The following OR4K2 variants were observed in gnomAD, a reference collection of about 807,000 sequenced individuals.
OR4K2 encodes olfactory receptor family 4 subfamily K member 2.
Under a neutral mutation model 10.5 loss-of-function variants are expected in OR4K2, and 8 were observed. The ratio of observed to expected loss-of-function variants is 0.76; its 90% CI spans 0.45 to 1.37. The LOEUF is 1.37. OR4K2 is among the 40% of genes most tolerant of loss of function. The pLI is 0.00. For missense variants in OR4K2, 547 were observed against 379.5 expected (o/e 1.44, Z -3.67); for synonymous variants, 178 against 133.6 (o/e 1.33, Z -2.29).
chr14:19,877,901 T>C lies in OR4K2; in HGVS notation c.*689T>C. 1 of 152,522 alleles carries C rather than the reference T, an allele frequency of 6.6e-6. No individual in the cohort carries two copies. The highest frequency in any genetic ancestry group is 2.1e-4 in the South Asian group (1 of 4,840). 9.4% of individuals were successfully genotyped at this position (152,522 alleles called of 1,614,324 possible). Reference sequence around the variant, plus strand: ...GGAGAATTCTGCAAATCAGAAAATATGAAATGAGTTGCAGATCAGTACACT... The same window carrying C: ...GGAGAATTCTGCAAATCAGAAAATACGAAATGAGTTGCAGATCAGTACACT... On this transcript the variant is annotated 3_prime_UTR_variant, in exon 2 of 2. Transcript: ENST00000641885.
Position 19,876,093 on chromosome 14 carries a change from A to G in OR4K2, c.-65A>G, listed in dbSNP as rs1303702264. The G allele has an allele frequency of 3.4e-6, 2 of 595,434 alleles. No homozygotes were observed. The highest frequency in any genetic ancestry group is 3.6e-5 in the Admixed American group (1 of 28,042). 36.9% of individuals were successfully genotyped at this position (595,434 alleles called of 1,614,324 possible). ...CTCTAATATTTCATAATTTCCATTC[A>G]AAACAATATACCAAATGAGAAGGAT... On this transcript the variant is annotated 5_prime_UTR_variant, in exon 1 of 2. Coordinates refer to ENST00000641885, the MANE Select transcript of OR4K2 (RefSeq NM_001005501.2).
At position 19,876,753 on chromosome 14, in the gene OR4K2, T is replaced by C; in HGVS notation, c.486T>C (p.Phe162=). The C allele has an allele frequency of 6.2e-7, 1 of 1,614,228 alleles. No individual in the cohort carries two copies. The highest frequency in any genetic ancestry group is 1.1e-5 in the South Asian group (1 of 91,090). Residue 162 remains phenylalanine (F), a synonymous_variant, in exon 2 of 2, where the codon TTT becomes TTC. Coordinates refer to ENST00000641885, the MANE Select transcript of OR4K2 (RefSeq NM_001005501.2). ...TGCATTCAATGAGTCAGGTCATATT[T>C]GCCCTCACGTTACCATTCTGTGGTC... The part of the protein sequence containing the change: ...GVMHSMSQVI[F]ALTLPFCGPY...
rs1211194101 is a variant in OR4K2 at position 19,881,583 on chromosome 14, A to T, written c.*4371A>T. On this transcript the variant is annotated 3_prime_UTR_variant, in exon 2 of 2. Transcript: ENST00000641885. ...TTTATTTTTTACTCTGATAATTTAC[A>T]CTGCCAATATAAGGAGATGAATACC... 2 of 151,998 alleles carry T rather than the reference A, an allele frequency of 1.3e-5. No individual in the cohort carries two copies. The highest frequency in any genetic ancestry group is 2.9e-5 in the Non-Finnish European group (2 of 68,028). The allele number at this position is 151,998 out of a possible 1,614,324, so 9.4% of individuals were successfully genotyped here. A position where few individuals can be genotyped will look rare whatever the true frequency, so the allele number is the denominator to read the frequency against.
At position 19,882,985 on chromosome 14, in the gene OR4K2, G is replaced by C. The variant is rs1415591411; in HGVS notation, c.*5773G>C. 6.6e-6 allele frequency: 1 copy of C among 152,218 alleles called. No homozygotes were observed. Among genetic ancestry groups the C allele is most frequent in the Non-Finnish European group, 1.5e-5 (1 of 68,244 alleles). 9.4% of individuals were successfully genotyped at this position (152,218 alleles called of 1,614,324 possible). A position where few individuals can be genotyped will look rare whatever the true frequency, so the allele number is the denominator to read the frequency against. Reference sequence around the variant, plus strand: ...TGGGACTACAGGCGCCCGCCACCACGCCCAGCTAATTTTTTGTATTTTTAG... The same window carrying C: ...TGGGACTACAGGCGCCCGCCACCACCCCCAGCTAATTTTTTGTATTTTTAG... On this transcript the variant is annotated 3_prime_UTR_variant, in exon 2 of 2. Transcript: ENST00000641885.
At position 19,877,105 on chromosome 14, in the gene OR4K2, C is replaced by G; in HGVS notation, c.838C>G (p.Pro280Ala). Residue 280 changes from proline to alanine, a missense_variant, in exon 2 of 2, where the codon CCC becomes GCC. By Grantham distance (27) the Pro-to-Ala change is conservative. Coordinates refer to ENST00000641885, the MANE Select transcript of OR4K2 (RefSeq NM_001005501.2). ...GTCTGTGTTTTATACCATCTTTACT[C>G]CCACTCTGAACCCAATAATCTATAC... ...ILSVFYTIFT[P>A]TLNPIIYTLR... 6.2e-7 allele frequency: 1 copy of G among 1,608,276 alleles called. No individual in the cohort carries two copies. Among genetic ancestry groups the G allele is most frequent in the Non-Finnish European group, 8.5e-7 (1 of 1,179,776 alleles).
In OR4K2 at chr14:19,876,922, G is replaced by A; in HGVS notation, c.655G>A (p.Val219Ile). The A allele has an allele frequency of 1.3e-5, 21 of 1,614,138 alleles. No homozygotes were observed. The highest frequency in any genetic ancestry group is 1.8e-5 in the Non-Finnish European group (21 of 1,180,000). Reference protein sequence around the residue: ...SCFIVLFNSYVIVLVTVKHHS... With the variant: ...SCFIVLFNSYIIVLVTVKHHS... ...TTTTATTGTTTTATTTAATTCATAT[G>A]TTATTGTCCTGGTTACTGTGAAGCA... is the stretch of plus-strand genomic sequence containing the variant. Residue 219 changes from valine (V) to isoleucine (I), a missense_variant, in exon 2 of 2, where the codon GTT becomes ATT. Physicochemically the swap from Val to Ile is conservative, Grantham distance 29 (BLOSUM62 3). Coordinates refer to ENST00000641885, the MANE Select transcript of OR4K2 (RefSeq NM_001005501.2).
At position 19,876,787 on chromosome 14, in the gene OR4K2, G is replaced by A. The variant is rs776292600; in HGVS notation, c.520G>A (p.Val174Ile). ...LTLPFCGPYE[V>I]DSFFCDLPVV... ...GTTACCATTCTGTGGTCCCTATGAG[G>A]TAGACAGCTTTTTCTGTGACCTTCC... Residue 174 changes from valine to isoleucine, a missense_variant, in exon 2 of 2, where the codon GTA becomes ATA. Physicochemically the swap from Val to Ile is conservative, Grantham distance 29. Transcript: ENST00000641885. 2 of 1,614,096 alleles carry A rather than the reference G, an allele frequency of 1.2e-6. No homozygotes were observed. The highest frequency in any genetic ancestry group is 8.5e-7 in the Non-Finnish European group (1 of 1,180,016).
rs951618102 is a variant in OR4K2 at position 19,883,889 on chromosome 14, C to T, written c.*6677C>T. The T allele has an allele frequency of 6.6e-6, 1 of 152,080 alleles. No individual in the cohort carries two copies. Among genetic ancestry groups the T allele is most frequent in the Non-Finnish European group, 1.5e-5 (1 of 68,028 alleles). 9.4% of individuals were successfully genotyped at this position (152,080 alleles called of 1,614,324 possible). On this transcript the variant is annotated 3_prime_UTR_variant, in exon 2 of 2. Coordinates refer to ENST00000641885, the MANE Select transcript of OR4K2 (RefSeq NM_001005501.2). ...GTACCTGGAGACCGTTTTGATCTGC[C>T]CTCCTCACCTCACATTTCACACATG... is the stretch of plus-strand genomic sequence containing the variant.
In OR4K2 at chr14:19,879,146, T is replaced by C. The variant is rs1337845187; in HGVS notation, c.*1934T>C. The C allele has an allele frequency of 6.6e-6, 1 of 152,062 alleles. No homozygotes were observed. Among genetic ancestry groups the C allele is most frequent in the Non-Finnish European group, 1.5e-5 (1 of 68,020 alleles). 9.4% of individuals were successfully genotyped at this position (152,062 alleles called of 1,614,324 possible). Reference sequence around the variant, plus strand: ...TTAAGTAGTTGGATTGATAGTAAAATTCTGTGGCTGATAATAAAAAGGATT... The same window carrying C: ...TTAAGTAGTTGGATTGATAGTAAAACTCTGTGGCTGATAATAAAAAGGATT... On this transcript the variant is annotated 3_prime_UTR_variant, in exon 2 of 2. Coordinates refer to ENST00000641885, the MANE Select transcript of OR4K2 (RefSeq NM_001005501.2).
At position 19,875,783 on chromosome 14, in the gene OR4K2, C is replaced by T. The variant is rs889999648; in HGVS notation, c.-375C>T. The T allele has an allele frequency of 6.4e-6, 1 of 155,084 alleles. No homozygotes were observed. Among genetic ancestry groups the T allele is most frequent in the South Asian group, 2.0e-4 (1 of 5,028 alleles). 9.6% of individuals were successfully genotyped at this position (155,084 alleles called of 1,614,324 possible). ...TCCATCGAAACTTCACTATAATGTG[C>T]TTAAGAGCCCTTATATGTGATATAA... On this transcript the variant is annotated 5_prime_UTR_variant, in exon 1 of 2. Transcript: ENST00000641885.
rs754219775 is a variant in OR4K2 at position 19,876,287 on chromosome 14, C to T, written c.20C>T (p.Ser7Phe). The part of the protein sequence containing the change: MDVGNK[S>F]TMSEFVLLGL... ...AAGACAATGGATGTGGGCAATAAGT[C>T]TACCATGTCTGAATTTGTTTTGCTG... is the stretch of plus-strand genomic sequence containing the variant. The change falls in exon 2 of 2, where the codon TCT (serine) becomes TTT (phenylalanine). Residue 7 changes from serine (S) to phenylalanine (F), a missense_variant. By Grantham distance (155) the Ser-to-Phe change is radical. Transcript: ENST00000641885. 8 of 1,526,744 alleles carry T rather than the reference C, an allele frequency of 5.2e-6. No individual in the cohort carries two copies. The Admixed American group carries it at 5.4e-5, about 10-fold the overall frequency. 94.6% of individuals were successfully genotyped at this position (1,526,744 alleles called of 1,614,324 possible).
Position 19,877,317 on chromosome 14 carries a change from G to C in OR4K2, c.*105G>C. 3 of 786,444 alleles carry C rather than the reference G, an allele frequency of 3.8e-6. No individual in the cohort carries two copies. Among genetic ancestry groups the C allele is most frequent in the Non-Finnish European group, 5.9e-6 (3 of 504,472 alleles). 48.7% of individuals were successfully genotyped at this position (786,444 alleles called of 1,614,324 possible). ...AAGAATTTGTGAGGGCTCAAGTTCA[G>C]TGCATTTTGAAACTATTCTCATGAA... is the stretch of plus-strand genomic sequence containing the variant. On this transcript the variant is annotated 3_prime_UTR_variant, in exon 2 of 2. Coordinates refer to ENST00000641885, the MANE Select transcript of OR4K2 (RefSeq NM_001005501.2).
rs767796342 is a variant in OR4K2, at chr14:19,876,748, A to G, written c.481A>G (p.Ile161Val). 1 of 1,614,180 alleles carries G rather than the reference A, an allele frequency of 6.2e-7. No homozygotes were observed. Among genetic ancestry groups the G allele is most frequent in the Non-Finnish European group, 8.5e-7 (1 of 1,179,994 alleles). Residue 161 changes from isoleucine to valine, a missense_variant, in exon 2 of 2, where the codon ATA (isoleucine) becomes GTA (valine). Ile to Val is a conservative substitution (Grantham distance 29). Coordinates refer to ENST00000641885, the MANE Select transcript of OR4K2 (RefSeq NM_001005501.2). ...AGTTATGCATTCAATGAGTCAGGTC[A>G]TATTTGCCCTCACGTTACCATTCTG... ...MGVMHSMSQV[I>V]FALTLPFCGP...
rs1057056149 is a variant in OR4K2 at position 19,881,391 on chromosome 14, A to C, written c.*4179A>C. ...AAATTATTCTGGAGCGTGTAGGACC[A>C]ACACTCAAATGAGACTGGAAATGTG... On this transcript the variant is annotated 3_prime_UTR_variant, in exon 2 of 2. Coordinates refer to ENST00000641885, the MANE Select transcript of OR4K2 (RefSeq NM_001005501.2). 1.3e-4 allele frequency: 20 copies of C among 152,188 alleles called. No individual in the cohort carries two copies. Among genetic ancestry groups the C allele is most frequent in the African/African-American group, 4.6e-4 (19 of 41,434 alleles). 9.4% of individuals were successfully genotyped at this position (152,188 alleles called of 1,614,324 possible). A position where few individuals can be genotyped will look rare whatever the true frequency, so the allele number is the denominator to read the frequency against.
Position 19,876,910 on chromosome 14 carries a change from T to C in OR4K2, c.643T>C (p.Phe215Leu), listed in dbSNP as rs751086235. 6.2e-7 allele frequency: 1 copy of C among 1,614,212 alleles called. No homozygotes were observed. The highest frequency in any genetic ancestry group is 8.5e-7 in the Non-Finnish European group (1 of 1,180,012). The change falls in exon 2 of 2, where the codon TTT (phenylalanine) becomes CTT (leucine). Residue 215 changes from phenylalanine (F) to leucine (L), a missense_variant. Transcript: ENST00000641885. ...TGCGTTGTCCTGTTTTATTGTTTTA[T>C]TTAATTCATATGTTATTGTCCTGGT... Reference protein sequence around the residue: ...IIALSCFIVLFNSYVIVLVTV... With the variant: ...IIALSCFIVLLNSYVIVLVTV...
Position 19,876,915 on chromosome 14 carries a change from T to C in OR4K2, c.648T>C (p.Asn216=). The C allele has an allele frequency of 1.2e-6, 2 of 1,614,186 alleles. No homozygotes were observed. The highest frequency in any genetic ancestry group is 1.7e-6 in the Non-Finnish European group (2 of 1,180,008). ...IALSCFIVLF[N]SYVIVLVTVK... is the part of the protein sequence containing the mutation. The stretch of plus-strand genomic sequence containing the variant: ...TGTCCTGTTTTATTGTTTTATTTAA[T>C]TCATATGTTATTGTCCTGGTTACTG... The change falls in exon 2 of 2, where the codon AAT becomes AAC. Residue 216 remains asparagine, a synonymous_variant. Transcript: ENST00000641885.
Position 19,876,097 on chromosome 14 carries a change from C to A in OR4K2, c.-61C>A. ...AATATTTCATAATTTCCATTCAAAA[C>A]AATATACCAAATGAGAAGGATGGAA... On this transcript the variant is annotated 5_prime_UTR_variant, in exon 1 of 2. Coordinates refer to ENST00000641885, the MANE Select transcript of OR4K2 (RefSeq NM_001005501.2). 5 of 608,800 alleles carry A rather than the reference C, an allele frequency of 8.2e-6. No individual in the cohort carries two copies. The highest frequency in any genetic ancestry group is 8.4e-6 in the Non-Finnish European group (3 of 359,182). The allele number at this position is 608,800 out of a possible 1,614,324, so 37.7% of individuals were successfully genotyped here. A position where few individuals can be genotyped will look rare whatever the true frequency, so the allele number is the denominator to read the frequency against.
rs781254273 is a variant in OR4K2 at position 19,877,178 on chromosome 14, G to C, written c.911G>C (p.Arg304Thr). Residue 304 changes from arginine to threonine, a missense_variant, in exon 2 of 2, where the codon AGG becomes ACG. Arg to Thr is a moderately conservative substitution (Grantham distance 71). Coordinates refer to ENST00000641885, the MANE Select transcript of OR4K2 (RefSeq NM_001005501.2). The part of the protein sequence containing the change: ...VKIAMRKLKN[R>T]FLNFNKAMPS ...ATAGCCATGAGGAAACTGAAAAATA[G>C]GTTTCTAAATTTTAATAAGGCAATG... 1.9e-6 allele frequency: 3 copies of C among 1,597,118 alleles called. No individual in the cohort carries two copies. The highest frequency in any genetic ancestry group is 2.2e-5 in the East Asian group (1 of 44,862).
Position 19,878,680 on chromosome 14 carries a change from G to A in OR4K2, c.*1468G>A, listed in dbSNP as rs1880969782. The A allele has an allele frequency of 6.6e-6, 1 of 152,206 alleles. No homozygotes were observed. Among genetic ancestry groups the A allele is most frequent in the African/African-American group, 2.4e-5 (1 of 41,462 alleles). 9.4% of individuals were successfully genotyped at this position (152,206 alleles called of 1,614,324 possible). A position where few individuals can be genotyped will look rare whatever the true frequency, so the allele number is the denominator to read the frequency against. On this transcript the variant is annotated 3_prime_UTR_variant, in exon 2 of 2. Transcript: ENST00000641885. The stretch of plus-strand genomic sequence containing the variant: ...CTGTGATACTGTGTTTAAAGCCTGA[G>A]CAGTTTTGAAATTATTAGATAATAA...
Sources: gnomAD v4.1 joint callset for allele counts on GRCh38, gnomAD v4.1.1 for gene constraint, MANE v1.5 for transcripts, NCBI Gene and HGNC (gene_info 2026-07-23, HGNC 2026-07-21) for gene names.